The following FGF14 variants were observed in gnomAD, a reference collection of about 807,000 sequenced individuals.
FGF14 encodes the protein fibroblast growth factor 14, also known as fibroblast growth factor homologous factor 4.
A neutral mutation model predicts 25.5 loss-of-function variants in FGF14; 5 were observed. That is an observed-to-expected ratio of 0.20 (90% CI 0.10 to 0.41). The LOEUF is 0.41. FGF14 is among the 10% of genes least tolerant of loss of function. FGF14 has a pLI of 1.00. For missense variants in FGF14, 222 were observed against 320.1 expected (o/e 0.69, Z 2.34); for synonymous variants, 138 against 118.3 (o/e 1.17, Z -1.08).
intron 1 of FGF14, among the ~76,000 whole-genome samples, chr13:102,372,757 A>G (rs946604892): frequency 6.6e-6 from 1 of 152,260 alleles, no homozygotes; most frequent in Admixed American, 6.5e-5. Context: ...AAGAAAATGT[A>G]TCGTCATTGT....
At chr13:101,909,041 T>C (rs2032591939) in intron 1 of FGF14, among the ~76,000 whole-genome samples, 1 of 152,092 alleles carries the variant, frequency 6.6e-6, no homozygotes, top group Non-Finnish European at 1.5e-5. Flanking sequence ...TAGCCATAAG[T>C]AGAAAGCTGA....
intron 1 of FGF14, chr13:102,394,530 G>A (rs2058522509): frequency 6.6e-6 from 1 of 152,454 alleles, no homozygotes; most frequent in East Asian, 1.9e-4. Context: ...AACAGCACAA[G>A]CTGCCGGGTC....
intron 1 of FGF14, among the ~76,000 whole-genome samples, chr13:102,240,398 G>A (rs2051537068): frequency 6.6e-6 from 1 of 152,166 alleles, no homozygotes. Flanking sequence ...TGCAAAGCAT[G>A]CTTTCCTTGC....
At chr13:102,319,608 A>C (rs2056167911) in intron 1 of FGF14, among the ~76,000 whole-genome samples, 1 of 152,248 alleles carries the variant, frequency 6.6e-6, no homozygotes, top group Non-Finnish European at 1.5e-5. Flanking sequence ...ACCAGCTGCG[A>C]TGCCTTACAA....
chr13:102,120,211 T>C (rs2045654314), intron 1 of FGF14, among the ~76,000 whole-genome samples: 1 of 151,882 alleles, frequency 6.6e-6, no homozygotes, highest in African/African-American at 2.4e-5. Flanking sequence ...GGCAGACAAA[T>C]GTGAACCATA....
intron 1 of FGF14, among the ~76,000 whole-genome samples, chr13:102,343,198 G>A (rs1285610732): frequency 1.3e-5 from 2 of 152,132 alleles, no homozygotes; most frequent in Non-Finnish European, 2.9e-5. Flanking sequence ...TGACCACGCA[G>A]AGATAATAAG....
At chr13:101,845,201 C>T (rs761712602) in intron 3 of FGF14, among the ~76,000 whole-genome samples, 14 of 151,962 alleles carry the variant, frequency 9.2e-5, no homozygotes, top group Non-Finnish European at 1.3e-4. Flanking sequence ...TAGAAATTTG[C>T]TGTTTTTCAA....
rs34911009 is a variant in FGF14 at position 102,309,135 on chromosome 13, T to TACACACACACACACACACACAC, written c.208+92314_208+92335dup. 4.4e-3 allele frequency among the ~76,000 whole-genome samples: 628 copies of TACACACACACACACACACACAC among 142,528 alleles called. 8 individuals are homozygous for TACACACACACACACACACACAC. Among genetic ancestry groups the TACACACACACACACACACACAC allele is most frequent in the African/African-American group, 0.011 (401 of 37,626 alleles). The allele number at this position is 142,528 out of a possible 152,430, so 93.5% of individuals were successfully genotyped here. On this transcript the variant is annotated intron_variant, in intron 1 of 4. Coordinates refer to the FGF14 transcript ENST00000376131. ...CACACAAATGCATACATGCATAACA[T>TACACACACACACACACACACAC]ACACACACACACACACACACACACA... is the stretch of plus-strand genomic sequence containing the variant.
At chr13:102,044,536 G>A (rs55833916) in intron 1 of FGF14, among the ~76,000 whole-genome samples, 3 of 146,542 alleles carry the variant, frequency 2.0e-5, no homozygotes, top group Admixed American at 6.8e-5. Flanking sequence ...CTCCTCTTTC[G>A]TAAAAAAAAA....
chr13:102,037,182 T>C (rs1038956546), intron 1 of FGF14, among the ~76,000 whole-genome samples: 4 of 152,140 alleles, frequency 2.6e-5, no homozygotes, highest in Admixed American at 6.6e-5. Context: ...TTCTATTATA[T>C]TGTATTAATT....
chr13:101,998,178 T>G lies in FGF14; in HGVS notation c.209-122882A>C, dbSNP rs979153004. ...TTCATATTAAAAAAAGCACTGATGCTCTAATGGAAAAATGAAAGATATCCT... is the reference window on the plus strand; with the variant it reads ...TTCATATTAAAAAAAGCACTGATGCGCTAATGGAAAAATGAAAGATATCCT... On this transcript the variant is annotated intron_variant, in intron 1 of 4. Coordinates refer to the FGF14 transcript ENST00000376131. Among the ~76,000 whole-genome samples, 32 of 152,268 alleles carry G rather than the reference T, an allele frequency of 2.1e-4. No individual in the cohort carries two copies. In the East Asian group the frequency reaches 2.5e-3, roughly 12 times the overall value.
intron 1 of FGF14, among the ~76,000 whole-genome samples, chr13:102,251,652 A>T (rs973574372): frequency 6.6e-6 from 1 of 152,270 alleles, no homozygotes; most frequent in Admixed American, 6.5e-5. Flanking sequence ...TCTACTAGCT[A>T]TGCTCTGCAC....
rs1171171639 is a variant in FGF14, at chr13:101,719,605, A to G, written c.*3226T>C. The G allele has an allele frequency of 6.6e-6, 1 of 152,128 alleles. No individual in the cohort carries two copies. Among genetic ancestry groups the G allele is most frequent in the Non-Finnish European group, 1.5e-5 (1 of 68,012 alleles). 9.4% of individuals were successfully genotyped at this position (152,128 alleles called of 1,614,324 possible). A position where few individuals can be genotyped will look rare whatever the true frequency, so the allele number is the denominator to read the frequency against. On this transcript the variant is annotated 3_prime_UTR_variant, in exon 5 of 5. Coordinates refer to ENST00000376143, the MANE Select transcript of FGF14 (RefSeq NM_004115.4). ...AAACAAAAATGTTGTCACTTGAAATACCAAAACAACATTTCTGAGCGTTGT... is the reference window on the plus strand; with the variant it reads ...AAACAAAAATGTTGTCACTTGAAATGCCAAAACAACATTTCTGAGCGTTGT...
intron 1 of FGF14, among the ~76,000 whole-genome samples, chr13:102,140,760 A>G (rs1162035240): frequency 6.6e-6 from 1 of 152,156 alleles, no homozygotes; most frequent in Non-Finnish European, 1.5e-5. Flanking sequence ...CCAGTACTCA[A>G]TCTATAAACT....
intron 1 of FGF14, among the ~76,000 whole-genome samples, chr13:102,159,067 G>A (rs1485914246): frequency 6.6e-6 from 1 of 151,084 alleles, no homozygotes; most frequent in Admixed American, 6.6e-5. Context: ...TTGAACCCAG[G>A]GGATGGAGGT....
intron 3 of FGF14, among the ~76,000 whole-genome samples, chr13:101,833,415 T>C (rs2042773087): frequency 6.6e-6 from 1 of 152,080 alleles, no homozygotes; most frequent in Non-Finnish European, 1.5e-5. Flanking sequence ...TGAATAGTTG[T>C]TATGGGCATA....
chr13:102,039,282 A>G (rs1172912987), intron 1 of FGF14, among the ~76,000 whole-genome samples: 1 of 152,152 alleles, frequency 6.6e-6, no homozygotes, highest in East Asian at 1.9e-4. Context: ...CACCAGATGG[A>G]AAATAATTGA....
rs2139638452 is a variant in FGF14, at chr13:101,719,400, C to T, written c.*3431G>A. The T allele has an allele frequency of 6.6e-6, 1 of 151,810 alleles. No homozygotes were observed. The highest frequency in any genetic ancestry group is 6.6e-5 in the Admixed American group (1 of 15,206). The allele number at this position is 151,810 out of a possible 1,614,324, so 9.4% of individuals were successfully genotyped here. A position where few individuals can be genotyped will look rare whatever the true frequency, so the allele number is the denominator to read the frequency against. On this transcript the variant is annotated 3_prime_UTR_variant, in exon 5 of 5. Transcript: ENST00000376143. ...TGGATCTCTTTAAGCCACTGCTACC[C>T]AAAAACATTCAGGACAAGCAAACAT... is the stretch of plus-strand genomic sequence containing the variant.
intron 3 of FGF14, among the ~76,000 whole-genome samples, chr13:101,770,838 A>C (rs2038721658): frequency 6.6e-6 from 1 of 152,140 alleles, no homozygotes; most frequent in Non-Finnish European, 1.5e-5. Context: ...GCAGTGTTCT[A>C]GGAACATTAT....
Sources: allele counts gnomAD v4.1 joint callset (sites outside exome capture counted in the v4.1 genomes callset), GRCh38; gene constraint gnomAD v4.1.1; transcripts MANE v1.5; gene names NCBI Gene and HGNC (gene_info 2026-07-23, HGNC 2026-07-21).